Variants in RHBDD1 observed in about 807,000 individuals in gnomAD.
RHBDD1 encodes the protein rhomboid-related protein 4.
Under a neutral mutation model 36.3 loss-of-function variants are expected in RHBDD1, and 38 were observed. That is an observed-to-expected ratio of 1.05 (90% CI 0.81 to 1.37). The LOEUF is 1.37. Among genes scored for constraint, RHBDD1 ranks in the 40% most tolerant of loss-of-function variants. RHBDD1 has a pLI of 0.00. For missense variants in RHBDD1, 393 were observed against 377.6 expected (o/e 1.04, Z -0.34); for synonymous variants, 151 against 136.5 (o/e 1.11, Z -0.74).
At chr2:226,871,560 T>C (rs548140720) in intron 5 of RHBDD1, among the ~76,000 whole-genome samples, 8 of 152,352 alleles carry the variant, frequency 5.3e-5, no homozygotes, top group African/African-American at 1.9e-4. Context: ...TCTTGTATTC[T>C]AAGACGGTCT....
intron 3 of RHBDD1, among the ~76,000 whole-genome samples, chr2:226,854,977 C>T (rs181607621): frequency 1.1e-4 from 17 of 152,324 alleles, no homozygotes; most frequent in Non-Finnish European, 1.6e-4. Context: ...AATGGCTTAT[C>T]TGTCTAGAAC....
At chr2:226,828,171 T>C in the RHBDD1 span, among the ~76,000 whole-genome samples, 67 of 152,356 alleles carry the variant, frequency 4.4e-4, no homozygotes, top group African/African-American at 1.6e-3. Flanking sequence ...TTTCTGTTTC[T>C]GTAGATTTGC....
chr2:226,855,278 TG>T (rs1296259903), intron 3 of RHBDD1, among the ~76,000 whole-genome samples: 1 of 152,272 alleles, frequency 6.6e-6, no homozygotes, highest in Non-Finnish European at 1.5e-5. Flanking sequence ...GAGGCCAAAG[TG>T]GGAGGATTGC....
chr2:226,883,348 G>A (rs903584253), intron 5 of RHBDD1, among the ~76,000 whole-genome samples: 2 of 152,192 alleles, frequency 1.3e-5, no homozygotes, highest in East Asian at 3.8e-4. Flanking sequence ...CATACACAGA[G>A]GTGGAATTAA....
intron 5 of RHBDD1, among the ~76,000 whole-genome samples, chr2:226,906,322 GC>G (rs755057111): frequency 6.6e-6 from 1 of 152,150 alleles, no homozygotes; most frequent in African/African-American, 2.4e-5. Context: ...AGTTTCACTT[GC>G]TCTCTGCTTC....
intron 5 of RHBDD1, among the ~76,000 whole-genome samples, chr2:226,878,719 CCTT>C (rs1394693760): frequency 6.6e-6 from 1 of 152,154 alleles, no homozygotes; most frequent in Non-Finnish European, 1.5e-5. Flanking sequence ...CCCGTGTGCT[CCTT>C]CTGAATTCCT....
At chr2:226,972,313 T>TA (rs1301621084) in intron 8 of RHBDD1, among the ~76,000 whole-genome samples, 1 of 152,202 alleles carries the variant, frequency 6.6e-6, no homozygotes, top group Admixed American at 6.5e-5. Flanking sequence ...CACATTTTCT[T>TA]TATCCAGTCA....
chr2:226,818,969 A>G, the RHBDD1 span, among the ~76,000 whole-genome samples: 1 of 152,202 alleles, frequency 6.6e-6, no homozygotes, highest in Non-Finnish European at 1.5e-5. Flanking sequence ...GTAGTTTTCC[A>G]TAGTCCCATG....
chr2:226,975,145 C>T (rs1954334191), intron 8 of RHBDD1, among the ~76,000 whole-genome samples: 1 of 152,026 alleles, frequency 6.6e-6, no homozygotes, highest in Admixed American at 6.6e-5. Context: ...CTCCTAGGGC[C>T]TCCCAAGATT....
intron 3 of RHBDD1, among the ~76,000 whole-genome samples, chr2:226,852,325 A>G (rs1366005089): frequency 6.6e-6 from 1 of 152,238 alleles, no homozygotes; most frequent in Non-Finnish European, 1.5e-5. Flanking sequence ...GTTTACAAAA[A>G]TAAATTTTAT....
chr2:226,945,145 G>GATTT (rs1553578049), intron 8 of RHBDD1, among the ~76,000 whole-genome samples: 1 of 144,818 alleles, frequency 6.9e-6, no homozygotes, highest in African/African-American at 2.5e-5. Flanking sequence ...GATCAAATCT[G>GATTT]ATTATTATTA....
At chr2:226,913,262 T>G (rs1386288395) in intron 7 of RHBDD1, among the ~76,000 whole-genome samples, 1 of 152,200 alleles carries the variant, frequency 6.6e-6, no homozygotes, top group Non-Finnish European at 1.5e-5. Flanking sequence ...TTAGGAATCT[T>G]CATCAACAAC....
chr2:226,981,134 G>A (rs1002690962), intron 8 of RHBDD1, among the ~76,000 whole-genome samples: 28 of 152,026 alleles, frequency 1.8e-4, no homozygotes, highest in Admixed American at 1.3e-4. Flanking sequence ...ACCAAACACC[G>A]CATGTTCTCA....
upstream of RHBDD1, among the ~76,000 whole-genome samples, chr2:226,831,957 G>GT (rs58851411): frequency 4.0e-3 from 559 of 139,004 alleles, no homozygotes; most frequent in Middle Eastern, 0.012. Context: ...AATTTTACTG[G>GT]TTTTTTTTTT....
intron 5 of RHBDD1, chr2:226,895,622 C>A: frequency 6.2e-6 from 6 of 971,342 alleles, no homozygotes; most frequent in Non-Finnish European, 7.3e-6. Context: ...ATTTCACTTA[C>A]CTTTGCTTTT....
At chr2:226,961,191 G>T (rs150214732) in intron 8 of RHBDD1, among the ~76,000 whole-genome samples, 1 of 152,248 alleles carries the variant, frequency 6.6e-6, no homozygotes, top group African/African-American at 2.4e-5. Flanking sequence ...TCCCAGCTCT[G>T]CCTCTCCTTC....
At chr2:226,803,308 A>ATGTG in the RHBDD1 span, among the ~76,000 whole-genome samples, 1,006 of 149,358 alleles carry the variant, frequency 6.7e-3, 10 homozygotes, top group African/African-American at 0.022. Context: ...GATGACTAAA[A>ATGTG]TGTGTGTGTG....
chr2:226,839,157 G>A (rs1941338168), intron 2 of RHBDD1, among the ~76,000 whole-genome samples: 1 of 152,082 alleles, frequency 6.6e-6, no homozygotes, highest in African/African-American at 2.4e-5. Context: ...TATTGTATAT[G>A]AATGTATGAG....
chr2:226,820,658 A>G, the RHBDD1 span, among the ~76,000 whole-genome samples: 164 of 150,992 alleles, frequency 1.1e-3, no homozygotes, highest in African/African-American at 3.7e-3. Context: ...AAAAAAAAAA[A>G]AAAAAAAAAA....
Sources: gnomAD v4.1 joint callset for allele counts (sites outside exome capture counted in the v4.1 genomes callset) on GRCh38, gnomAD v4.1.1 for gene constraint, MANE v1.5 for transcripts, NCBI Gene and HGNC (gene_info 2026-07-23, HGNC 2026-07-21) for gene names.